IL16: variants seen among roughly 807,000 people sequenced by gnomAD.
IL16 encodes the protein pro-interleukin-16.
Under a neutral mutation model 110.1 loss-of-function variants are expected in IL16, and 67 were observed. The observed-to-expected ratio is 0.61, with a 90% CI of 0.50 to 0.75. The LOEUF (loss-of-function observed/expected upper bound fraction) is 0.75, where lower values mean the gene tolerates loss of function less well. Among genes scored for constraint, IL16 ranks in the 30% least tolerant of loss-of-function variants. IL16 has a pLI of 0.00. For synonymous variants in IL16, 689 were observed against 662.9 expected (o/e 1.04, Z -0.61); for missense variants, 1,545 against 1,655.0 (o/e 0.93, Z 1.15).
intron 12 of IL16, among the ~76,000 whole-genome samples, chr15:81,294,353 G>C (rs914333625): frequency 6.6e-6 from 1 of 152,200 alleles, no homozygotes; most frequent in Non-Finnish European, 1.5e-5. Context: ...AGTCCAGAAG[G>C]GCAAATCAGG....
At chr15:81,251,508 T>C (rs1897768281) in intron 2 of IL16, among the ~76,000 whole-genome samples, 1 of 152,204 alleles carries the variant, frequency 6.6e-6, no homozygotes, top group East Asian at 1.9e-4. Flanking sequence ...TCTCCTATCA[T>C]TGAATGTCCC....
At position 81,242,104 on chromosome 15, in the gene IL16, A is replaced by G. The variant is rs1028894880; in HGVS notation, c.312+16393A>G. Among the ~76,000 whole-genome samples the G allele has an allele frequency of 4.6e-5, 7 of 152,176 alleles. No homozygotes were observed. The South Asian group carries it at 1.4e-3, about 32-fold the overall frequency. ...TTTCTGTGTTCTCTATTCTATGTAT[A>G]TCTCTTACCAAATATCACACAGTGC... is the stretch of plus-strand genomic sequence containing the variant. On this transcript the variant is annotated intron_variant, in intron 2 of 18. Transcript: ENST00000683961.
intron 14 of IL16, among the ~76,000 whole-genome samples, 183 bp from the exon 15 acceptor site, chr15:81,301,161 T>C (rs1900265726): frequency 6.6e-6 from 1 of 152,228 alleles, no homozygotes; most frequent in Non-Finnish European, 1.5e-5. Context: ...TATTTATTAT[T>C]CTTACACTGC....
intron 14 of IL16, among the ~76,000 whole-genome samples, 168 bp downstream of exon 14, chr15:81,300,643 G>GTC (rs1254451380): frequency 6.6e-6 from 1 of 152,116 alleles, no homozygotes; most frequent in East Asian, 1.9e-4. Flanking sequence ...GAGTGTGTGT[G>GTC]TGTCTGTCTG....
chr15:81,228,053 A>T (rs950761237), intron 2 of IL16, among the ~76,000 whole-genome samples: 1 of 152,138 alleles, frequency 6.6e-6, no homozygotes. Context: ...GCGCAGTTGT[A>T]CTAAGCAGAG....
At chr15:81,240,857 A>G (rs1453114749) in intron 2 of IL16, among the ~76,000 whole-genome samples, 1 of 152,102 alleles carries the variant, frequency 6.6e-6, no homozygotes, top group Non-Finnish European at 1.5e-5. Flanking sequence ...CTTATTAAAA[A>G]TTGTTACCAT....
chr15:81,184,637 C>T (rs141688194), intron 1 of IL16, among the ~76,000 whole-genome samples: 4 of 152,338 alleles, frequency 2.6e-5, no homozygotes, highest in Non-Finnish European at 5.9e-5. Flanking sequence ...GGGTGAGGAG[C>T]TTATCCGGGC....
chr15:81,211,439 A>T (rs766111398), intron 1 of IL16, among the ~76,000 whole-genome samples: 2 of 152,098 alleles, frequency 1.3e-5, no homozygotes, highest in Non-Finnish European at 2.9e-5. Context: ...TTTAGTAGAG[A>T]CAGGGTTTCG....
In IL16 at chr15:81,267,479, G is replaced by GACACAC. The variant is rs56259509; in HGVS notation, c.564+1700_564+1705dup. ...ACACATACGCAGACACACATACACA[G>GACACAC]ACACACACACACACACACACACACA... On this transcript the variant is annotated intron_variant, in intron 4 of 18. Transcript: ENST00000683961. Among the ~76,000 whole-genome samples the GACACAC allele has an allele frequency of 4.9e-3, 530 of 107,696 alleles. 2 individuals carry two copies. Among genetic ancestry groups the GACACAC allele is most frequent in the Middle Eastern group, 0.023 (5 of 214 alleles). 70.7% of individuals were successfully genotyped at this position (107,696 alleles called of 152,430 possible). A position where few individuals can be genotyped will look rare whatever the true frequency, so the allele number is the denominator to read the frequency against.
chr15:81,304,914 A>C (rs2141633482), intron 16 of IL16, among the ~76,000 whole-genome samples: 1 of 152,280 alleles, frequency 6.6e-6, no homozygotes, highest in Non-Finnish European at 1.5e-5. Context: ...GCATGCTATC[A>C]CTCAGTCCTC....
Position 81,312,798 on chromosome 15 carries a change from T to C in IL16, c.*4000T>C, listed in dbSNP as rs1211589043. 2.0e-5 allele frequency: 3 copies of C among 152,848 alleles called. No individual in the cohort carries two copies. The highest frequency in any genetic ancestry group is 7.2e-5 in the African/African-American group (3 of 41,594). 9.5% of individuals were successfully genotyped at this position (152,848 alleles called of 1,614,324 possible). On this transcript the variant is annotated 3_prime_UTR_variant, in exon 19 of 19. Coordinates refer to ENST00000683961, the MANE Select transcript of IL16 (RefSeq NM_172217.5). ...TATCAGAAAAATATATTTGGGGGGC[T>C]GCAGCACAGGACTGAGGGAGCGGTA...
At chr15:81,212,519 T>C (rs1459314646) in intron 1 of IL16, among the ~76,000 whole-genome samples, 1 of 152,170 alleles carries the variant, frequency 6.6e-6, no homozygotes, top group East Asian at 1.9e-4. Flanking sequence ...TTGCCCAGGC[T>C]GGAGTGCAGT....
intron 8 of IL16, 38 bp from the exon 9 acceptor site, chr15:81,282,601 A>C: frequency 6.6e-7 from 1 of 1,503,840 alleles, no homozygotes; most frequent in East Asian, 2.3e-5. Context: ...GGGAAAGCTC[A>C]GTCCCGGTCT....
upstream of IL16, among the ~76,000 whole-genome samples, chr15:81,193,218 G>A (rs972552316): frequency 6.6e-6 from 1 of 152,262 alleles, no homozygotes; most frequent in East Asian, 1.9e-4. Context: ...ATGGATGCTA[G>A]TGACAATTAC....
At chr15:81,308,369 G>A (rs1900679688) in intron 18 of IL16, among the ~76,000 whole-genome samples, 1 of 152,178 alleles carries the variant, frequency 6.6e-6, no homozygotes, top group South Asian at 2.1e-4. Context: ...CCCTCCCCTG[G>A]GGACAGCAAG....
At chr15:81,279,884 T>C in intron 8 of IL16, 110 bp downstream of exon 8, 1 of 906,658 alleles carries the variant, frequency 1.1e-6, no homozygotes, top group Non-Finnish European at 1.7e-6. Flanking sequence ...TGTTGTCTTT[T>C]AGCACATTTT....
At chr15:81,248,719 C>CTTTTTTTTT (rs61480285) in intron 2 of IL16, among the ~76,000 whole-genome samples, 58 of 112,216 alleles carry the variant, frequency 5.2e-4, no homozygotes, top group East Asian at 1.1e-3. Context: ...TTCTTTCTTT[C>CTTTTTTTTT]TTTTTTTTTT....
At position 81,296,999 on chromosome 15, in the gene IL16, C is replaced by T. The variant is rs201624502; in HGVS notation, c.1974C>T (p.Ala658=). The T allele has an allele frequency of 2.2e-4, 350 of 1,613,896 alleles. 1 individual carries two copies. In the African/African-American group the frequency reaches 2.6e-3, roughly 12 times the overall value. ...DTAGRSPSAS[A]GCPGPGIGPQ... ...CAGGGAGAAGCCCTAGTGCCTCTGCCGGCTGCCCAGGACCTGGTATCGGCC... is the reference window on the plus strand; with the variant it reads ...CAGGGAGAAGCCCTAGTGCCTCTGCTGGCTGCCCAGGACCTGGTATCGGCC... The change falls in exon 13 of 19, where the codon GCC becomes GCT. Residue 658 remains alanine, a synonymous_variant. Transcript: ENST00000683961.
At chr15:81,201,087 G>T (rs1895793917) in intron 1 of IL16, among the ~76,000 whole-genome samples, 1 of 152,146 alleles carries the variant, frequency 6.6e-6, no homozygotes, top group Non-Finnish European at 1.5e-5. Flanking sequence ...TGAAGCAGTG[G>T]CAGGACAATG....
Sources: gnomAD v4.1 joint callset for allele counts (sites outside exome capture counted in the v4.1 genomes callset) on GRCh38, gnomAD v4.1.1 for gene constraint, MANE v1.5 for transcripts, NCBI Gene and HGNC (gene_info 2026-07-23, HGNC 2026-07-21) for gene names.